The following PRH1 variants were observed in gnomAD, a reference collection of about 807,000 sequenced individuals.
PRH1 encodes the protein proline rich protein HaeIII subfamily 1, also known as salivary acidic proline-rich phosphoprotein 1/2.
Under a neutral mutation model 7.9 loss-of-function variants are expected in PRH1, and 7 were observed. The ratio of observed to expected loss-of-function variants is 0.89; its 90% CI spans 0.50 to 1.67. The LOEUF is 1.67. PRH1 is among the 40% of genes most tolerant of loss of function. The probability of loss-of-function intolerance (pLI) is 0.00; values close to 1 mark genes in which losing one functional copy is unlikely to be tolerated. For missense variants in PRH1, 109 were observed against 223.6 expected (o/e 0.49, Z 3.27); for synonymous variants, 45 against 80.8 (o/e 0.56, Z 2.38).
chr12:11,154,445 T>C (rs752213982), intron 1 of PRH1, among the ~76,000 whole-genome samples: 19 of 152,170 alleles, frequency 1.2e-4, no homozygotes, highest in Admixed American at 2.6e-4. Context: ...AAGTATACTC[T>C]TAATTGGGGA....
intron 1 of PRH1, among the ~76,000 whole-genome samples, chr12:11,014,162 T>C (rs1941187742): frequency 6.6e-6 from 1 of 152,186 alleles, no homozygotes; most frequent in African/African-American, 2.4e-5. Flanking sequence ...TTGAATCACT[T>C]GGCTACATTG....
intron 1 of PRH1, among the ~76,000 whole-genome samples, chr12:11,167,695 C>T (rs535684104): frequency 6.6e-6 from 1 of 152,246 alleles, no homozygotes; most frequent in East Asian, 1.9e-4. Flanking sequence ...ATCCACCCAC[C>T]TCAGCCTCCC....
At chr12:11,170,399 T>C (rs1204622540) in intron 1 of PRH1, among the ~76,000 whole-genome samples, 1 of 152,048 alleles carries the variant, frequency 6.6e-6, no homozygotes, top group Non-Finnish European at 1.5e-5. Context: ...TACAAAAAAT[T>C]AGCCGGGCAT....
intron 2 of PRH1, among the ~76,000 whole-genome samples, chr12:10,894,334 T>A (rs1949615936): frequency 6.6e-6 from 1 of 152,176 alleles, no homozygotes; most frequent in Non-Finnish European, 1.5e-5. Context: ...CAAAGTTGCT[T>A]AGTGTTTTTA....
At chr12:11,018,038 T>C (rs1941385444) in intron 1 of PRH1, among the ~76,000 whole-genome samples, 1 of 152,088 alleles carries the variant, frequency 6.6e-6, no homozygotes, top group Non-Finnish European at 1.5e-5. Flanking sequence ...CCAGAACATA[T>C]AATATCTCTA....
intron 1 of PRH1, among the ~76,000 whole-genome samples, chr12:11,004,733 G>A (rs935288368): frequency 6.6e-6 from 1 of 151,868 alleles, no homozygotes; most frequent in African/African-American, 2.4e-5. Flanking sequence ...ATGAACAAGT[G>A]TAATTATACT....
downstream of PRH1, among the ~76,000 whole-genome samples, chr12:11,117,763 C>T (rs926780496): frequency 1.3e-5 from 2 of 152,166 alleles, no homozygotes; most frequent in Admixed American, 1.3e-4. Context: ...GAAACAAACC[C>T]ACACACCTAC....
intron 1 of PRH1, among the ~76,000 whole-genome samples, chr12:11,130,007 C>A (rs1306560053): frequency 2.6e-5 from 4 of 152,066 alleles, no homozygotes; most frequent in African/African-American, 7.2e-5. Context: ...CAAAATTAGC[C>A]AGGCATGGTG....
chr12:10,887,876 G>A (rs1417307814), upstream of PRH1, among the ~76,000 whole-genome samples: 1 of 152,128 alleles, frequency 6.6e-6, no homozygotes, highest in Non-Finnish European at 1.5e-5. Flanking sequence ...TTGTTCATTA[G>A]CCATGAGTAT....
At chr12:11,032,101 C>A (rs1008510201) in intron 1 of PRH1, among the ~76,000 whole-genome samples, 10 of 152,184 alleles carry the variant, frequency 6.6e-5, no homozygotes, top group African/African-American at 2.4e-4. Flanking sequence ...TTGTTATAGG[C>A]TGGAATTATT....
downstream of PRH1, among the ~76,000 whole-genome samples, chr12:11,117,133 G>A (rs1168963602): frequency 6.6e-6 from 1 of 152,070 alleles, no homozygotes; most frequent in Non-Finnish European, 1.5e-5. Flanking sequence ...AATTACGCTT[G>A]TTTGTAAACA....
intron 1 of PRH1, chr12:10,998,017 A>T: frequency 3.4e-6 from 2 of 591,012 alleles, no homozygotes; most frequent in Non-Finnish European, 5.7e-6. Context: ...TCTGTGAACA[A>T]TGTCAACAGA....
In PRH1 at chr12:11,101,362, C is replaced by T. The variant is rs141700364; in HGVS notation, n.124-54174G>A. ...AAAATTAGCAGGGCGTAGTGGTGCA[C>T]GCCTGTTGTCCTAGCTACTCTGGAG... On this transcript the variant is annotated intron_variant and non_coding_transcript_variant, in intron 1 of 4. Coordinates refer to the PRH1 transcript ENST00000541977. 3.8e-3 allele frequency among the ~76,000 whole-genome samples: 579 copies of T among 152,242 alleles called. 6 individuals are homozygous for T. The highest frequency in any genetic ancestry group is 0.013 in the African/African-American group (520 of 41,534).
intron 1 of PRH1, among the ~76,000 whole-genome samples, chr12:11,123,304 A>G (rs1390508720): frequency 1.9e-5 from 1 of 52,742 alleles, no homozygotes; most frequent in East Asian, 1.3e-3. Context: ...TCTTTCACAT[A>G]TCATTTGCTA....
intron 1 of PRH1, among the ~76,000 whole-genome samples, chr12:11,130,234 T>C (rs1175524769): frequency 6.6e-6 from 1 of 152,164 alleles, no homozygotes; most frequent in Non-Finnish European, 1.5e-5. Context: ...TATTATAACA[T>C]TGAGCAGAAG....
At chr12:10,971,915 G>A (rs1938832271) in intron 2 of PRH1, among the ~76,000 whole-genome samples, 1 of 151,980 alleles carries the variant, frequency 6.6e-6, no homozygotes, top group African/African-American at 2.4e-5. Context: ...TATATTTTAT[G>A]CACTTATTCG....
chr12:11,051,342 G>A (rs1279552822), upstream of PRH1, among the ~76,000 whole-genome samples: 2 of 152,022 alleles, frequency 1.3e-5, no homozygotes, highest in African/African-American at 4.8e-5. Flanking sequence ...TTTTAGAGCT[G>A]TACATGAATG....
chr12:11,036,106 G>T (rs1942424491), intron 1 of PRH1, among the ~76,000 whole-genome samples: 1 of 152,176 alleles, frequency 6.6e-6, no homozygotes, highest in South Asian at 2.1e-4. Context: ...TGTTCGCCAG[G>T]ATGGTCTCCA....
chr12:11,029,592 TTTTC>T (rs1338157922), intron 1 of PRH1, among the ~76,000 whole-genome samples: 7 of 152,280 alleles, frequency 4.6e-5, no homozygotes, highest in Non-Finnish European at 8.8e-5. Flanking sequence ...CAAAAACAGC[TTTTC>T]TTTAATTCAA....
Sources: gnomAD v4.1 joint callset for allele counts (sites outside exome capture counted in the v4.1 genomes callset) on GRCh38, gnomAD v4.1.1 for gene constraint, MANE v1.5 for transcripts, NCBI Gene and HGNC (gene_info 2026-07-23, HGNC 2026-07-21) for gene names.